The following PABPC4L variants were observed in gnomAD, a reference collection of about 807,000 sequenced individuals.
PABPC4L encodes the protein poly(A) binding protein cytoplasmic 4 like, also known as polyadenylate-binding protein 4-like.
For synonymous variants in PABPC4L, 169 were observed against 164.1 expected (o/e 1.03, Z -0.23); for missense variants, 452 against 451.4 (o/e 1.00, Z -0.01).
At chr4:134,064,218 T>C in the PABPC4L span, among the ~76,000 whole-genome samples, 1 of 152,042 alleles carries the variant, frequency 6.6e-6, no homozygotes, top group Non-Finnish European at 1.5e-5. Context: ...TTGTTTCCAG[T>C]TAAAAACTTA....
the PABPC4L span, among the ~76,000 whole-genome samples, chr4:134,159,933 C>T: frequency 2.0e-5 from 3 of 151,998 alleles, no homozygotes; most frequent in African/African-American, 4.8e-5. Context: ...GTATAAACTC[C>T]GACACAGTAA....
Position 134,196,879 on chromosome 4 carries a change from A to C in PABPC4L, c.*3028T>G, listed in dbSNP as rs1729676145. ...CTACTAAGAAGGCAGATTATTGTGT[A>C]ATTAAGCCATAGCTATAATTCATCT... On this transcript the variant is annotated 3_prime_UTR_variant, in exon 2 of 2. Transcript: ENST00000421491. The C allele has an allele frequency of 6.6e-6, 1 of 151,692 alleles. No individual in the cohort carries two copies. Among genetic ancestry groups the C allele is most frequent in the African/African-American group, 2.4e-5 (1 of 41,432 alleles). 9.4% of individuals were successfully genotyped at this position (151,692 alleles called of 1,614,324 possible). A position where few individuals can be genotyped will look rare whatever the true frequency, so the allele number is the denominator to read the frequency against.
At chr4:133,984,291 A>G in the PABPC4L span, among the ~76,000 whole-genome samples, 2 of 152,000 alleles carry the variant, frequency 1.3e-5, no homozygotes, top group Middle Eastern at 6.8e-3. Context: ...CTTTTACAGT[A>G]TTGGAAGAGA....
the PABPC4L span, among the ~76,000 whole-genome samples, chr4:133,990,809 C>A: frequency 2.6e-5 from 4 of 152,144 alleles, no homozygotes; most frequent in Non-Finnish European, 5.9e-5. Flanking sequence ...ACAGATTTAT[C>A]GAGATAAGTT....
At chr4:134,177,246 TC>T in the PABPC4L span, among the ~76,000 whole-genome samples, 2 of 150,078 alleles carry the variant, frequency 1.3e-5, no homozygotes, top group African/African-American at 4.9e-5. Context: ...AGTGGCAGGA[TC>T]TTGGCTCACT....
chr4:133,989,261 G>T, the PABPC4L span, among the ~76,000 whole-genome samples: 1 of 152,088 alleles, frequency 6.6e-6, no homozygotes, highest in Admixed American at 6.6e-5. Flanking sequence ...CAGAAAATGG[G>T]TTTTTCTTTT....
rs1729776307 is a variant in PABPC4L, at chr4:134,199,565, C to T, written c.*342G>A. 5.9e-6 allele frequency: 1 copy of T among 168,704 alleles called. No homozygotes were observed. The highest frequency in any genetic ancestry group is 2.4e-5 in the African/African-American group (1 of 42,038). The allele number at this position is 168,704 out of a possible 1,614,324, so 10.5% of individuals were successfully genotyped here. ...GAAGAAATTAAAGCTAGCAATATTA[C>T]TAAAATAATAAATATGCAATAAATT... On this transcript the variant is annotated 3_prime_UTR_variant, in exon 2 of 2. Coordinates refer to ENST00000421491, the MANE Select transcript of PABPC4L (RefSeq NM_001114734.2).
the PABPC4L span, among the ~76,000 whole-genome samples, chr4:134,059,809 C>T: frequency 3.3e-5 from 5 of 151,938 alleles, no homozygotes; most frequent in African/African-American, 1.2e-4. Context: ...TAGAAGCCTC[C>T]AACGAATCAT....
the PABPC4L span, among the ~76,000 whole-genome samples, chr4:134,166,523 C>T: frequency 6.6e-6 from 1 of 152,066 alleles, no homozygotes; most frequent in Admixed American, 6.6e-5. Flanking sequence ...AATGCTCTGC[C>T]TTGGGCACCA....
the PABPC4L span, among the ~76,000 whole-genome samples, chr4:134,182,543 A>G: frequency 6.6e-6 from 1 of 152,074 alleles, no homozygotes; most frequent in Non-Finnish European, 1.5e-5. Context: ...AGGACCTAGC[A>G]AAAATTTCAT....
At chr4:134,084,685 T>C in the PABPC4L span, among the ~76,000 whole-genome samples, 1 of 152,056 alleles carries the variant, frequency 6.6e-6, no homozygotes, top group African/African-American at 2.4e-5. Context: ...AAGAGAAGTC[T>C]CAGAAGGAAA....
chr4:134,201,212 A>G lies in PABPC4L; in HGVS notation c.-193T>C. On this transcript the variant is annotated 5_prime_UTR_variant, in exon 2 of 2. Transcript: ENST00000421491. ...CCCTCATCCAAAAGTCCCCACAGCC[A>G]CCAATCTGGCCCTCCTAGGACGCGG... 3 of 1,544,050 alleles carry G rather than the reference A, an allele frequency of 1.9e-6. No individual in the cohort carries two copies. Among genetic ancestry groups the G allele is most frequent in the Non-Finnish European group, 2.6e-6 (3 of 1,143,576 alleles).
chr4:133,963,922 A>G, the PABPC4L span, among the ~76,000 whole-genome samples: 1 of 152,110 alleles, frequency 6.6e-6, no homozygotes. Context: ...GGAACTAGAG[A>G]AACAAAACAA....
At chr4:134,025,439 C>A in the PABPC4L span, among the ~76,000 whole-genome samples, 1 of 151,456 alleles carries the variant, frequency 6.6e-6, no homozygotes, top group Non-Finnish European at 1.5e-5. Context: ...TAGAATATAC[C>A]TATTTTTGCT....
At chr4:134,131,629 C>G in the PABPC4L span, among the ~76,000 whole-genome samples, 2 of 134,320 alleles carry the variant, frequency 1.5e-5, no homozygotes, top group Non-Finnish European at 3.1e-5. Context: ...CAAAAGCAAT[C>G]TATAAATTTG....
chr4:134,041,264 C>T, the PABPC4L span, among the ~76,000 whole-genome samples: 1 of 152,078 alleles, frequency 6.6e-6, no homozygotes, highest in Non-Finnish European at 1.5e-5. Flanking sequence ...ACCATAAAGA[C>T]ACATGCACAT....
the PABPC4L span, among the ~76,000 whole-genome samples, chr4:134,189,067 T>C: frequency 2.0e-5 from 3 of 152,066 alleles, no homozygotes; most frequent in East Asian, 1.9e-4. Flanking sequence ...CCTTATCCAA[T>C]CTACTAATAA....
the PABPC4L span, among the ~76,000 whole-genome samples, chr4:134,186,267 T>C: frequency 3.3e-5 from 5 of 151,974 alleles, no homozygotes; most frequent in Admixed American, 3.3e-4. Flanking sequence ...GGAGGCATCA[T>C]GCTGCTACCT....
At chr4:134,114,882 C>T in the PABPC4L span, among the ~76,000 whole-genome samples, 1 of 151,848 alleles carries the variant, frequency 6.6e-6, no homozygotes, top group South Asian at 2.1e-4. Flanking sequence ...AAATAATATC[C>T]ATCCTTTTGT....
Sources: allele counts gnomAD v4.1 joint callset (sites outside exome capture counted in the v4.1 genomes callset), GRCh38; gene constraint gnomAD v4.1.1; transcripts MANE v1.5; gene names NCBI Gene and HGNC (gene_info 2026-07-23, HGNC 2026-07-21).